Variants in ABLIM2 observed in about 807,000 individuals in gnomAD.
ABLIM2 encodes the protein actin-binding LIM protein 2.
ABLIM2 carries 53 observed loss-of-function variants against 97.7 expected under a neutral mutation model. The ratio of observed to expected loss-of-function variants is 0.54; its 90% CI spans 0.44 to 0.68. ABLIM2 has a LOEUF of 0.68. Among genes scored for constraint, ABLIM2 ranks in the 30% least tolerant of loss-of-function variants. The probability of loss-of-function intolerance (pLI) is 0.00; values close to 1 mark genes in which losing one functional copy is unlikely to be tolerated. For missense variants in ABLIM2, 835 were observed against 867.2 expected, an observed-to-expected ratio of 0.96 and a Z score of 0.47; for synonymous variants, 361 against 345.8, an observed-to-expected ratio of 1.04 and a Z score of -0.49.
At chr4:8,107,061 C>A (rs1344951986) in intron 1 of ABLIM2, among the ~76,000 whole-genome samples, 1 of 152,242 alleles carries the variant, frequency 6.6e-6, no homozygotes, top group Non-Finnish European at 1.5e-5. Context: ...GCTCAGTAAC[C>A]CTCAGCAGCA....
rs1174701420 is a variant in ABLIM2, at chr4:7,989,185, A to G, written c.1680+3681T>C. On this transcript the variant is annotated intron_variant, in intron 17 of 20. Coordinates refer to ENST00000447017, the MANE Select transcript of ABLIM2 (RefSeq NM_001130083.2). ...CAACCTCTGCCTCCCAGGTTCAAGC[A>G]TTCTTTATTCTTGTGCTCAAGTAGC... Among the ~76,000 whole-genome samples the G allele has an allele frequency of 2.0e-5, 3 of 148,434 alleles. No individual in the cohort carries two copies. The South Asian group carries it at 6.4e-4, about 31-fold the overall frequency.
Position 8,045,165 on chromosome 4 carries a change from T to A in ABLIM2, c.899A>T (p.Tyr300Phe). ...STSGSPSRVIYAKLGGEILDY... is the reference protein window; with the variant it reads ...STSGSPSRVIFAKLGGEILDY... ...CCCCATAAAAAGGCCCTGACTTACA[T>A]AAATCACACGGCTCGGAGACCCTGA... Residue 300 changes from tyrosine to phenylalanine, a missense_variant and splice_region_variant, in exon 9 of 21, where the codon TAT becomes TTT. Coordinates refer to ENST00000447017, the MANE Select transcript of ABLIM2 (RefSeq NM_001130083.2). The A allele has an allele frequency of 1.2e-6, 2 of 1,613,614 alleles. No homozygotes were observed. Among genetic ancestry groups the A allele is most frequent in the East Asian group, 4.5e-5 (2 of 44,864 alleles).
intron 1 of ABLIM2, among the ~76,000 whole-genome samples, chr4:8,157,899 G>T (rs962706787): frequency 6.6e-6 from 1 of 152,390 alleles, no homozygotes; most frequent in Middle Eastern, 3.4e-3. Flanking sequence ...TCAGCCCGGT[G>T]CGGGCCCCAG....
Position 8,127,794 on chromosome 4 carries a change from A to G in ABLIM2, c.11-21157T>C. On this transcript the variant is annotated intron_variant, in intron 1 of 20. Coordinates refer to ENST00000447017, the MANE Select transcript of ABLIM2 (RefSeq NM_001130083.2). The surrounding 1 kb of genome is among the most constrained non-coding windows in gnomAD (Gnocchi z 7.3). Reference sequence around the variant, plus strand: ...ATAGACTCCCGCCACACTATGCGCCAGAGACACACCTGTCTCCCAGGCATC... The same window carrying G: ...ATAGACTCCCGCCACACTATGCGCCGGAGACACACCTGTCTCCCAGGCATC... 1 of 870,202 alleles carries G rather than the reference A, an allele frequency of 1.1e-6. No homozygotes were observed. The highest frequency in any genetic ancestry group is 1.4e-6 in the Non-Finnish European group (1 of 726,280). 53.9% of individuals were successfully genotyped at this position (870,202 alleles called of 1,614,324 possible). A position where few individuals can be genotyped will look rare whatever the true frequency, so the allele number is the denominator to read the frequency against.
intron 10 of ABLIM2, among the ~76,000 whole-genome samples, chr4:8,030,683 G>T (rs1008949301): frequency 1.3e-5 from 2 of 152,214 alleles, no homozygotes; most frequent in African/African-American, 4.8e-5. Context: ...AGCCCGGGGC[G>T]CACTCTCTCG....
At position 8,124,842 on chromosome 4, in the gene ABLIM2, C is replaced by G. The variant is rs1847136792; in HGVS notation, c.11-18205G>C. 6.6e-6 allele frequency among the ~76,000 whole-genome samples: 1 copy of G among 152,178 alleles called. No homozygotes were observed. Among genetic ancestry groups the G allele is most frequent in the African/African-American group, 2.4e-5 (1 of 41,436 alleles). ...TTTCAAGGAACAGTCAGACTATTTT[C>G]CACACCGGGTTCTGATTTCTACGCA... On this transcript the variant is annotated intron_variant, in intron 1 of 20. Coordinates refer to ENST00000447017, the MANE Select transcript of ABLIM2 (RefSeq NM_001130083.2). This position sits in a 1 kb window ranked among gnomAD's most constrained non-coding sequence, Gnocchi z 6.1.
intron 1 of ABLIM2, among the ~76,000 whole-genome samples, chr4:8,121,431 C>T (rs1019501343): frequency 4.6e-5 from 7 of 152,226 alleles, no homozygotes; most frequent in African/African-American, 1.7e-4. Flanking sequence ...TATTCCATCA[C>T]CAGAAGAGTG....
Position 8,140,603 on chromosome 4 carries a change from T to C in ABLIM2, c.10+18077A>G, listed in dbSNP as rs16841845. On this transcript the variant is annotated intron_variant, in intron 1 of 20. Coordinates refer to ENST00000447017, the MANE Select transcript of ABLIM2 (RefSeq NM_001130083.2). This position sits in a 1 kb window ranked among gnomAD's most constrained non-coding sequence, Gnocchi z 5.9. ...AAACAAACGCGCATTCTGTCTGTGATACCGTTACTCCCATGGCCACTGCTA... is the reference window on the plus strand; with the variant it reads ...AAACAAACGCGCATTCTGTCTGTGACACCGTTACTCCCATGGCCACTGCTA... Among the ~76,000 whole-genome samples, 40,376 of 151,942 alleles carry C rather than the reference T, an allele frequency of 0.27. 7,078 individuals are homozygous for C. The highest frequency in any genetic ancestry group is 0.51 in the African/African-American group (20,882 of 41,346).
rs1439884933 is a variant in ABLIM2 at position 8,071,963 on chromosome 4, C to T, written c.675+5665G>A. The T allele has an allele frequency of 2.3e-5, 23 of 985,426 alleles. No individual in the cohort carries two copies. In the East Asian group the frequency reaches 1.7e-3, roughly 73 times the overall value. The allele number at this position is 985,426 out of a possible 1,614,324, so 61.0% of individuals were successfully genotyped here. On this transcript the variant is annotated intron_variant, in intron 6 of 20. Coordinates refer to ENST00000447017, the MANE Select transcript of ABLIM2 (RefSeq NM_001130083.2). This position sits in a 1 kb window ranked among gnomAD's most constrained non-coding sequence, Gnocchi z 6.2. ...TGGGCCGAGCATCAGGCAGTGCCACCGCGGCGGCGGCAGCTCCCCTTCTGC... is the reference window on the plus strand; with the variant it reads ...TGGGCCGAGCATCAGGCAGTGCCACTGCGGCGGCGGCAGCTCCCCTTCTGC...
rs189530204 is a variant in ABLIM2, at chr4:8,069,505, C to G, written c.675+8123G>C. On this transcript the variant is annotated intron_variant, in intron 6 of 20. Coordinates refer to ENST00000447017, the MANE Select transcript of ABLIM2 (RefSeq NM_001130083.2). This position sits in a 1 kb window ranked among gnomAD's most constrained non-coding sequence, Gnocchi z 4.2. Reference sequence around the variant, plus strand: ...AAGGGTAGGACCAGGGGCTCTGATGCGCTGCCGGCATGAGGCAAGGCAGGA... The same window carrying G: ...AAGGGTAGGACCAGGGGCTCTGATGGGCTGCCGGCATGAGGCAAGGCAGGA... Among the ~76,000 whole-genome samples, 2 of 152,298 alleles carry G rather than the reference C, an allele frequency of 1.3e-5. No homozygotes were observed. The highest frequency in any genetic ancestry group is 3.9e-4 in the East Asian group (2 of 5,184).
chr4:8,031,205 C>CTGTG, intron 10 of ABLIM2, among the ~76,000 whole-genome samples: 1 of 152,354 alleles, frequency 6.6e-6, no homozygotes, highest in East Asian at 1.9e-4. Flanking sequence ...AGCCTGCAGG[C>CTGTG]TGTGCATGGC....
Position 8,022,225 on chromosome 4 carries a change from A to G in ABLIM2, c.1268-1922T>C, listed in dbSNP as rs1220083342. Among the ~76,000 whole-genome samples the G allele has an allele frequency of 6.6e-6, 1 of 152,136 alleles. No individual in the cohort carries two copies. The highest frequency in any genetic ancestry group is 2.4e-5 in the African/African-American group (1 of 41,410). ...TCTTGGCACAGCTCGTGGACCTGGG[A>G]GGCCAGGAAGGGCTGGTTTCTTCCT... On this transcript the variant is annotated intron_variant, in intron 12 of 20. Transcript: ENST00000447017. This position sits in a 1 kb window ranked among gnomAD's most constrained non-coding sequence, Gnocchi z 7.8.
At chr4:8,091,595 T>C (rs1407222128) in intron 3 of ABLIM2, among the ~76,000 whole-genome samples, 1 of 29,690 alleles carries the variant, frequency 3.4e-5, no homozygotes, top group African/African-American at 2.0e-4. Context: ...ATTATATATA[T>C]AATTATATAT....
In ABLIM2 at chr4:8,061,690, C is replaced by T. The variant is rs1198588778; in HGVS notation, c.676-636G>A. Among the ~76,000 whole-genome samples the T allele has an allele frequency of 6.6e-6, 1 of 151,704 alleles. No individual in the cohort carries two copies. Among genetic ancestry groups the T allele is most frequent in the Non-Finnish European group, 1.5e-5 (1 of 67,946 alleles). ...AAATCACCCCGAAATGCTCCCTTTA[C>T]CCCCACGTTCCAGCACACACTTCCT... On this transcript the variant is annotated intron_variant, in intron 6 of 20. Coordinates refer to ENST00000447017, the MANE Select transcript of ABLIM2 (RefSeq NM_001130083.2). This position sits in a 1 kb window ranked among gnomAD's most constrained non-coding sequence, Gnocchi z 4.5.
chr4:8,088,330 C>T (rs1354627127), intron 3 of ABLIM2, 46 bp from the exon 4 acceptor site: 2 of 1,515,812 alleles, frequency 1.3e-6, no homozygotes. Flanking sequence ...CTTCTGGCTC[C>T]TCTCTGGGGG....
In ABLIM2 at chr4:8,069,558, C is replaced by T. The variant is rs758858448; in HGVS notation, c.675+8070G>A. ...GCAGAGATGCGGCAAAGGGTGTGTG[C>T]GCATGTGCGTGTCTGTGTGTCTCTG... is the stretch of plus-strand genomic sequence containing the variant. On this transcript the variant is annotated intron_variant, in intron 6 of 20. Transcript: ENST00000447017. The surrounding 1 kb of genome is among the most constrained non-coding windows in gnomAD (Gnocchi z 4.2). 1.2e-4 allele frequency among the ~76,000 whole-genome samples: 18 copies of T among 152,022 alleles called. No individual in the cohort carries two copies. Among genetic ancestry groups the T allele is most frequent in the South Asian group, 1.0e-3 (5 of 4,810 alleles).
chr4:8,018,843 T>C (rs1003695876), intron 14 of ABLIM2, among the ~76,000 whole-genome samples: 12 of 152,232 alleles, frequency 7.9e-5, no homozygotes, highest in African/African-American at 2.7e-4. Flanking sequence ...CAGTTTAGAA[T>C]GCACTTCCCT....
chr4:7,968,481 C>T (rs1408132663), intron 20 of ABLIM2, among the ~76,000 whole-genome samples: 2 of 152,234 alleles, frequency 1.3e-5, no homozygotes, highest in South Asian at 4.1e-4. Flanking sequence ...GTCCATGTGA[C>T]GGAATAGCCT....
intron 11 of ABLIM2, among the ~76,000 whole-genome samples, chr4:8,029,032 C>T (rs1396520621): frequency 6.6e-6 from 1 of 152,062 alleles, no homozygotes; most frequent in African/African-American, 2.4e-5. Context: ...CTCAGGGGGT[C>T]GAGGAGTTTC....
Sources: gnomAD v4.1 joint callset for allele counts (sites outside exome capture counted in the v4.1 genomes callset) on GRCh38, gnomAD v4.1.1 for gene constraint, Gnocchi (gnomAD v3.1) non-coding constraint, MANE v1.5 for transcripts, NCBI Gene and HGNC (gene_info 2026-07-23, HGNC 2026-07-21) for gene names.